Variants in PPP2R5D observed in about 807,000 individuals in gnomAD.
PPP2R5D encodes serine/threonine-protein phosphatase 2A 56 kDa regulatory subunit delta isoform.
Under a neutral mutation model 79.1 loss-of-function variants are expected in PPP2R5D, and 12 were observed. The observed-to-expected ratio is 0.15, with a 90% CI of 0.10 to 0.25. The LOEUF (loss-of-function observed/expected upper bound fraction) is 0.25, where lower values mean the gene tolerates loss of function less well. PPP2R5D is among the 10% of genes least tolerant of loss of function. PPP2R5D has a pLI of 1.00. For synonymous variants in PPP2R5D, 277 were observed against 286.6 expected (o/e 0.97, Z 0.34); for missense variants, 419 against 760.2 (o/e 0.55, Z 5.28).
Position 43,010,350 on chromosome 6 carries a change from T to G in PPP2R5D, c.1380-118T>G. ...TGATACTGCACAGAGGTTTGTGAAC[T>G]GGAAGTAGTAAATGACAAAGCTCTT... is the stretch of plus-strand genomic sequence containing the variant. On this transcript the variant is annotated intron_variant, in intron 12 of 15. Coordinates refer to ENST00000485511, the MANE Select transcript of PPP2R5D (RefSeq NM_006245.4). This position sits in a 1 kb window ranked among gnomAD's most constrained non-coding sequence, Gnocchi z 4.7. The G allele has an allele frequency of 1.3e-6, 1 of 791,382 alleles. No individual in the cohort carries two copies. Among genetic ancestry groups the G allele is most frequent in the Non-Finnish European group, 2.1e-6 (1 of 467,108 alleles). The allele number at this position is 791,382 out of a possible 1,614,324, so 49.0% of individuals were successfully genotyped here. A position where few individuals can be genotyped will look rare whatever the true frequency, so the allele number is the denominator to read the frequency against.
In PPP2R5D at chr6:43,011,705, T is replaced by C. The variant is rs1762358631; in HGVS notation, c.*419T>C. 1 of 186,444 alleles carries C rather than the reference T, an allele frequency of 5.4e-6. No individual in the cohort carries two copies. The highest frequency in any genetic ancestry group is 1.1e-5 in the Non-Finnish European group (1 of 88,656). The allele number at this position is 186,444 out of a possible 1,614,324, so 11.5% of individuals were successfully genotyped here. Reference sequence around the variant, plus strand: ...GAGGCATGTAGGGAACAGCAGGAGATTATTCTCACCAAAGTTATGTCAAGC... The same window carrying C: ...GAGGCATGTAGGGAACAGCAGGAGACTATTCTCACCAAAGTTATGTCAAGC... On this transcript the variant is annotated 3_prime_UTR_variant, in exon 16 of 16. Transcript: ENST00000485511.
chr6:43,001,927 C>T (rs1343875360), intron 2 of PPP2R5D, among the ~76,000 whole-genome samples: 1 of 142,246 alleles, frequency 7.0e-6, no homozygotes, highest in Non-Finnish European at 1.5e-5. Flanking sequence ...CAGAGCCAGA[C>T]TCTGTCTCAA....
rs547590873 is a variant in PPP2R5D at position 43,008,534 on chromosome 6, G to A, written c.1026+59G>A. ...AGGCAGCAGAGAAAAGAGCCGGCAG[G>A]AAAGTGTTCCAGCTGGGATAGGGGA... is the stretch of plus-strand genomic sequence containing the variant. On this transcript the variant is annotated intron_variant, in intron 9 of 15. Transcript: ENST00000485511. The surrounding 1 kb of genome is among the most constrained non-coding windows in gnomAD (Gnocchi z 4.2). The A allele has an allele frequency of 2.0e-6, 3 of 1,535,024 alleles. No individual in the cohort carries two copies. Among genetic ancestry groups the A allele is most frequent in the South Asian group, 2.2e-5 (2 of 89,240 alleles).
chr6:42,985,325 C>T (rs1373299858), intron 1 of PPP2R5D, among the ~76,000 whole-genome samples: 3 of 152,236 alleles, frequency 2.0e-5, no homozygotes, highest in Non-Finnish European at 4.4e-5. Flanking sequence ...TTGATGGAAC[C>T]TCACAACGTT....
chr6:43,000,164 G>C (rs1042602161), intron 2 of PPP2R5D, among the ~76,000 whole-genome samples: 3 of 150,614 alleles, frequency 2.0e-5, no homozygotes, highest in Admixed American at 6.6e-5. Flanking sequence ...TCGAACTCCT[G>C]ACCTCCTGAT....
In PPP2R5D at chr6:43,006,501, C is replaced by A. The variant is rs758659914; in HGVS notation, c.144C>A (p.Ala48=). The A allele has an allele frequency of 6.2e-7, 1 of 1,613,968 alleles. No homozygotes were observed. Among genetic ancestry groups the A allele is most frequent in the Non-Finnish European group, 8.5e-7 (1 of 1,179,984 alleles). ...CCCAGCCCCAGCCCCAGCCCCAAGC[C>A]CAGTCTCAGCCACCGTCATCCAACA... ...PQPQPQPQPQ[A]QSQPPSSNKR... The change falls in exon 3 of 16, where the codon GCC becomes GCA. Residue 48 remains alanine, a synonymous_variant. Transcript: ENST00000485511. The surrounding 1 kb of genome is among the most constrained non-coding windows in gnomAD (Gnocchi z 4.7).
In PPP2R5D at chr6:43,010,612, A is replaced by G. The variant is rs781605537; in HGVS notation, c.1481+43A>G. ...CGGGAGACTTTCATCTTCTACCACC[A>G]GCTCACTGTGTTTCTCTCAAGCCCA... is the stretch of plus-strand genomic sequence containing the variant. On this transcript the variant is annotated intron_variant, in intron 13 of 15. Coordinates refer to ENST00000485511, the MANE Select transcript of PPP2R5D (RefSeq NM_006245.4). The surrounding 1 kb of genome is among the most constrained non-coding windows in gnomAD (Gnocchi z 4.7). 4 of 1,613,074 alleles carry G rather than the reference A, an allele frequency of 2.5e-6. No homozygotes were observed. Among genetic ancestry groups the G allele is most frequent in the Non-Finnish European group, 3.4e-6 (4 of 1,179,018 alleles).
At chr6:42,985,581 C>T (rs1270659189) in intron 1 of PPP2R5D, among the ~76,000 whole-genome samples, 4 of 152,038 alleles carry the variant, frequency 2.6e-5, no homozygotes, top group Non-Finnish European at 5.9e-5. Context: ...TATTCTTAAT[C>T]CTAGGATAAC....
chr6:42,985,262 C>T (rs1420740906), intron 1 of PPP2R5D, among the ~76,000 whole-genome samples: 1 of 152,220 alleles, frequency 6.6e-6, no homozygotes, highest in Non-Finnish European at 1.5e-5. Context: ...CTAGGCCCCT[C>T]CCTCTAGTTC....
chr6:43,000,488 C>T (rs1772104397), intron 2 of PPP2R5D, among the ~76,000 whole-genome samples: 1 of 152,078 alleles, frequency 6.6e-6, no homozygotes, highest in Non-Finnish European at 1.5e-5. Flanking sequence ...AGTGATCCAC[C>T]CGCCTTGGCC....
rs1181183254 is a variant in PPP2R5D, at chr6:43,010,008, G to A, written c.1380-460G>A. On this transcript the variant is annotated intron_variant, in intron 12 of 15. Coordinates refer to ENST00000485511, the MANE Select transcript of PPP2R5D (RefSeq NM_006245.4). This position sits in a 1 kb window ranked among gnomAD's most constrained non-coding sequence, Gnocchi z 4.7. Reference sequence around the variant, plus strand: ...CACTTGAACCTGGGAGGTGACGGTTGCAGTGAGCCGAGATCGTGCCACTGC... The same window carrying A: ...CACTTGAACCTGGGAGGTGACGGTTACAGTGAGCCGAGATCGTGCCACTGC... 2.6e-5 allele frequency among the ~76,000 whole-genome samples: 4 copies of A among 152,180 alleles called. No individual in the cohort carries two copies. The highest frequency in any genetic ancestry group is 1.9e-4 in the East Asian group (1 of 5,194).
Position 43,009,191 on chromosome 6 carries a change from C to T in PPP2R5D, c.1215C>T (p.Arg405=), listed in dbSNP as rs763521394. ...GCAAAGTGATGGAACCCCTCTTCCG[C>T]CAGCTGGCCAAGTGTGTCTCTAGCC... ...EFSKVMEPLF[R]QLAKCVSSPH... is the part of the protein sequence containing the mutation. The change falls in exon 11 of 16, where the codon CGC becomes CGT. Residue 405 remains arginine, a synonymous_variant. Coordinates refer to ENST00000485511, the MANE Select transcript of PPP2R5D (RefSeq NM_006245.4). This position sits in a 1 kb window ranked among gnomAD's most constrained non-coding sequence, Gnocchi z 5.6. The T allele has an allele frequency of 7.4e-6, 12 of 1,614,152 alleles. No individual in the cohort carries two copies. The highest frequency in any genetic ancestry group is 2.2e-5 in the South Asian group (2 of 91,084).
chr6:42,998,057 A>ATTTTT (rs1163890447), intron 2 of PPP2R5D, among the ~76,000 whole-genome samples: 3 of 12,792 alleles, frequency 2.3e-4, no homozygotes, highest in African/African-American at 6.7e-4. Flanking sequence ...ATATATATAT[A>ATTTTT]TTTTTTTTTT....
rs1762229581 is a variant in PPP2R5D at position 43,008,989 on chromosome 6, A to G, written c.1081-68A>G. ...CACCAGGGTGGGGGAGAGAGCAGGTAGGAAAACTTCCTGGTGACCTAGGCA... is the reference window on the plus strand; with the variant it reads ...CACCAGGGTGGGGGAGAGAGCAGGTGGGAAAACTTCCTGGTGACCTAGGCA... On this transcript the variant is annotated intron_variant, in intron 10 of 15. Coordinates refer to ENST00000485511, the MANE Select transcript of PPP2R5D (RefSeq NM_006245.4). This position sits in a 1 kb window ranked among gnomAD's most constrained non-coding sequence, Gnocchi z 4.2. 4 of 1,552,944 alleles carry G rather than the reference A, an allele frequency of 2.6e-6. No homozygotes were observed. The African/African-American group carries it at 4.1e-5, about 16-fold the overall frequency.
intron 2 of PPP2R5D, among the ~76,000 whole-genome samples, chr6:43,001,961 T>C (rs1288941209): frequency 6.6e-6 from 1 of 150,970 alleles, no homozygotes; most frequent in Admixed American, 6.6e-5. Context: ...GCTTCTTTAG[T>C]GCGAGGAACT....
intron 2 of PPP2R5D, among the ~76,000 whole-genome samples, chr6:43,000,608 GGCTGCCTCCTCAGTGTGAGGT>G (rs1484695636): frequency 6.6e-6 from 1 of 152,104 alleles, no homozygotes; most frequent in East Asian, 1.9e-4. Flanking sequence ...GCCCCTCTCT[GGCTGCCTCCTCAGTGTGAGGT>G]GTGTGGAAGT....
chr6:43,002,017 T>C (rs1039290426), intron 2 of PPP2R5D, among the ~76,000 whole-genome samples: 2 of 152,082 alleles, frequency 1.3e-5, no homozygotes, highest in African/African-American at 4.8e-5. Flanking sequence ...GGTATGGTTG[T>C]CATCCCATTT....
rs572491604 is a variant in PPP2R5D at position 43,010,382 on chromosome 6, G to T, written c.1380-86G>T. The T allele has an allele frequency of 7.6e-4, 800 of 1,051,522 alleles. 2 individuals carry two copies. The highest frequency in any genetic ancestry group is 6.1e-4 in the Non-Finnish European group (414 of 676,342). 65.1% of individuals were successfully genotyped at this position (1,051,522 alleles called of 1,614,324 possible). On this transcript the variant is annotated intron_variant, in intron 12 of 15. Transcript: ENST00000485511. The surrounding 1 kb of genome is among the most constrained non-coding windows in gnomAD (Gnocchi z 4.7). ...AGTAAATGACAAAGCTCTTAGCAGA[G>T]ATACCCCTGTGAGAGAACAAATTGG... is the stretch of plus-strand genomic sequence containing the variant.
chr6:42,996,036 A>G (rs1771655064), intron 2 of PPP2R5D, among the ~76,000 whole-genome samples: 1 of 134,916 alleles, frequency 7.4e-6, no homozygotes, highest in East Asian at 2.3e-4. Context: ...AGTAGAAACG[A>G]GGTTTCACCA....
Sources: allele counts gnomAD v4.1 joint callset (sites outside exome capture counted in the v4.1 genomes callset), GRCh38; gene constraint gnomAD v4.1.1; non-coding constraint Gnocchi (gnomAD v3.1); transcripts MANE v1.5; gene names NCBI Gene and HGNC (gene_info 2026-07-23, HGNC 2026-07-21).